ALKBH8: variants seen among roughly 807,000 people sequenced by gnomAD.
ALKBH8 encodes the protein alkB homolog 8, tRNA methyltransferase, also known as tRNA (carboxymethyluridine(34)-5-O)-methyltransferase ALKBH8.
ALKBH8 carries 36 observed loss-of-function variants against 59.8 expected under a neutral mutation model. That is an observed-to-expected ratio of 0.60 (90% CI 0.46 to 0.79). The LOEUF (loss-of-function observed/expected upper bound fraction) is 0.79, where lower values mean the gene tolerates loss of function less well. ALKBH8 is among the 30% of genes least tolerant of loss of function. ALKBH8 has a pLI of 0.00. For missense variants in ALKBH8, 768 were observed against 801.0 expected (o/e 0.96, Z 0.50); for synonymous variants, 276 against 273.6 (o/e 1.01, Z -0.09).
At chr11:107,547,042 C>T (rs563750057) in intron 7 of ALKBH8, among the ~76,000 whole-genome samples, 98 of 152,126 alleles carry the variant, frequency 6.4e-4, no homozygotes, top group Middle Eastern at 3.4e-3. Context: ...TTAAATATAA[C>T]GTCAATGACT....
chr11:107,540,103 T>C (rs982615070), intron 7 of ALKBH8, among the ~76,000 whole-genome samples: 1 of 152,028 alleles, frequency 6.6e-6, no homozygotes, highest in African/African-American at 2.4e-5. Context: ...CAGAACATCG[T>C]TTGCCTCTCT....
chr11:107,550,520 G>A (rs936122138), intron 6 of ALKBH8, among the ~76,000 whole-genome samples: 6 of 152,156 alleles, frequency 3.9e-5, no homozygotes, highest in Admixed American at 1.3e-4. Flanking sequence ...AGGCCTCTGC[G>A]TCTTTAAGAG....
At chr11:107,560,495 T>A (rs1337835426) in intron 2 of ALKBH8, among the ~76,000 whole-genome samples, 1 of 152,122 alleles carries the variant, frequency 6.6e-6, no homozygotes, top group Non-Finnish European at 1.5e-5. Context: ...TGAATATAAG[T>A]ATGCTTAGGA....
chr11:107,533,916 G>A (rs1863701860), intron 7 of ALKBH8, among the ~76,000 whole-genome samples: 1 of 152,136 alleles, frequency 6.6e-6, no homozygotes, highest in Non-Finnish European at 1.5e-5. Flanking sequence ...ACCACTTGAG[G>A]TCAGGAGTTT....
In ALKBH8 at chr11:107,504,845, T is replaced by A; in HGVS notation, c.1808A>T (p.Asp603Val). ...LVPWHLKGNP[D>V]KGKPVEPFGP... ...AAATGGCTCAACAGGTTTGCCTTTA[T>A]CAGGATTTCCCTTAAGGTGCCAGGG... is the stretch of plus-strand genomic sequence containing the variant. Residue 603 changes from aspartate to valine, a missense_variant, in exon 12 of 12, where the codon GAT becomes GTT. By Grantham distance (152) the Asp-to-Val change is radical (BLOSUM62 -3). Coordinates refer to ENST00000428149, the MANE Select transcript of ALKBH8 (RefSeq NM_138775.3). The A allele has an allele frequency of 6.4e-7, 1 of 1,551,790 alleles. No homozygotes were observed. Among genetic ancestry groups the A allele is most frequent in the Non-Finnish European group, 8.7e-7 (1 of 1,146,974 alleles).
At chr11:107,529,162 A>G (rs1287363635) in intron 8 of ALKBH8, among the ~76,000 whole-genome samples, 1 of 152,204 alleles carries the variant, frequency 6.6e-6, no homozygotes, top group Non-Finnish European at 1.5e-5. Flanking sequence ...TGTACAAGTT[A>G]CTTAACTTGT....
intron 10 of ALKBH8, among the ~76,000 whole-genome samples, chr11:107,521,343 C>T (rs1026503424): frequency 1.3e-5 from 2 of 151,972 alleles, no homozygotes; most frequent in Admixed American, 6.6e-5. Context: ...CTTTTATGAT[C>T]ATTAAATATG....
intron 7 of ALKBH8, among the ~76,000 whole-genome samples, chr11:107,534,916 TTCCCCAAAG>T (rs1033337737): frequency 3.3e-5 from 5 of 152,134 alleles, no homozygotes; most frequent in African/African-American, 1.2e-4. Flanking sequence ...CCCGCAACTT[TTCCCCAAAG>T]TCCCCAAAGT....
At chr11:107,558,656 G>A (rs1043508514) in intron 2 of ALKBH8, among the ~76,000 whole-genome samples, 2 of 152,078 alleles carry the variant, frequency 1.3e-5, no homozygotes, top group African/African-American at 4.8e-5. Flanking sequence ...GGTAGAAGAG[G>A]AGAGGAACTT....
chr11:107,504,973 A>G lies in ALKBH8; in HGVS notation c.1680T>C (p.Ile560=). ...TACATCCTCCTTCCTGAGAGTCATT[A>G]ATGCGGGGGACAGAAGATGCCGAGT... ...SRDSASSVPR[I]NDSQEGGCNS... Residue 560 remains isoleucine (I), a synonymous_variant, in exon 12 of 12, where the codon ATT becomes ATC. Transcript: ENST00000428149. The G allele has an allele frequency of 6.4e-7, 1 of 1,551,720 alleles. No homozygotes were observed. The highest frequency in any genetic ancestry group is 1.4e-5 in the African/African-American group (1 of 73,152).
In ALKBH8 at chr11:107,539,796, AG is replaced by A. The variant is rs1863965504; in HGVS notation, c.772-7391del. Among the ~76,000 whole-genome samples the A allele has an allele frequency of 2.6e-5, 4 of 152,356 alleles. No individual in the cohort carries two copies. In the South Asian group the frequency reaches 8.3e-4, roughly 32 times the overall value. On this transcript the variant is annotated intron_variant, in intron 7 of 11. Transcript: ENST00000428149. ...ATCCCCAAATTACAAAGTCTTATGA[AG>A]CTCGAAGGAAAAGTGGCAATGTCAC...
At chr11:107,523,246 G>A (rs1395182340) in intron 9 of ALKBH8, among the ~76,000 whole-genome samples, 1 of 152,078 alleles carries the variant, frequency 6.6e-6, no homozygotes, top group Non-Finnish European at 1.5e-5. Flanking sequence ...AGAAAATATG[G>A]TACATATACA....
intron 7 of ALKBH8, among the ~76,000 whole-genome samples, chr11:107,545,988 G>A (rs1864236671): frequency 6.6e-6 from 1 of 151,948 alleles, no homozygotes. Context: ...TCAAATAAAG[G>A]AATTTTTATC....
rs1256625789 is a variant in ALKBH8, at chr11:107,525,449, C to T, written c.1022G>A (p.Cys341Tyr). 3 of 1,544,782 alleles carry T rather than the reference C, an allele frequency of 1.9e-6. No individual in the cohort carries two copies. The highest frequency in any genetic ancestry group is 2.0e-5 in the Admixed American group (1 of 49,656). Residue 341 changes from cysteine (C) to tyrosine (Y), a missense_variant, in exon 9 of 12, where the codon TGT (cysteine) becomes TAT (tyrosine). By Grantham distance (194) the Cys-to-Tyr change is radical. Transcript: ENST00000428149. ...FTFRKVRQTP[C>Y]NCSYPLVCDS... ...TAAGAGTATATACTTACTACAGTTA[C>T]AAGGTGTTTGCCTCACTTTCCTAAA...
intron 7 of ALKBH8, among the ~76,000 whole-genome samples, chr11:107,542,947 A>C (rs940687904): frequency 8.6e-5 from 13 of 152,006 alleles, no homozygotes; most frequent in African/African-American, 3.1e-4. Context: ...GAATGTTCTA[A>C]TGACAGTGGG....
intron 10 of ALKBH8, among the ~76,000 whole-genome samples, chr11:107,517,091 A>G: frequency 6.6e-6 from 1 of 152,198 alleles, no homozygotes; most frequent in East Asian, 1.9e-4. Flanking sequence ...CTGTATGGCA[A>G]CAAAACAGAT....
intron 2 of ALKBH8, 58 bp from the exon 3 acceptor site, chr11:107,557,061 A>C (rs1469594814): frequency 8.5e-7 from 1 of 1,180,024 alleles, no homozygotes; most frequent in Non-Finnish European, 1.1e-6. Flanking sequence ...ATACCAACCC[A>C]TTTGTTTTAA....
At chr11:107,513,888 T>C (rs1044581489) in intron 10 of ALKBH8, among the ~76,000 whole-genome samples, 1 of 152,040 alleles carries the variant, frequency 6.6e-6, no homozygotes, top group Non-Finnish European at 1.5e-5. Flanking sequence ...GGGGCCTGCT[T>C]AAGGGTCAAA....
chr11:107,552,363 T>C (rs1016241081), intron 5 of ALKBH8, among the ~76,000 whole-genome samples: 4 of 132,692 alleles, frequency 3.0e-5, no homozygotes, highest in Admixed American at 2.7e-4. Context: ...AAGCCTTAAG[T>C]GAGACCAAAG....
Sources: allele counts gnomAD v4.1 joint callset (sites outside exome capture counted in the v4.1 genomes callset), GRCh38; gene constraint gnomAD v4.1.1; transcripts MANE v1.5; gene names NCBI Gene and HGNC (gene_info 2026-07-23, HGNC 2026-07-21).